Variants in CALN1 observed in about 807,000 individuals in gnomAD.
The protein encoded by CALN1 is calneuron 1, also known as calcium-binding protein 8.
A neutral mutation model predicts 30.6 loss-of-function variants in CALN1; 17 were observed. That is an observed-to-expected ratio of 0.56 (90% CI 0.38 to 0.83). The LOEUF is 0.83. CALN1 is among the 40% of genes least tolerant of loss of function. The probability of loss-of-function intolerance (pLI) is 0.00; values close to 1 mark genes in which losing one functional copy is unlikely to be tolerated. For synonymous variants in CALN1, 156 were observed against 131.4 expected (o/e 1.19, Z -1.28); for missense variants, 291 against 354.9 (o/e 0.82, Z 1.45).
At chr7:71,809,780 T>C (rs753334059) in intron 6 of CALN1, among the ~76,000 whole-genome samples, 1 of 152,166 alleles carries the variant, frequency 6.6e-6, no homozygotes, top group Non-Finnish European at 1.5e-5. Flanking sequence ...ACCTTATTTC[T>C]TCTGTAACTA....
At chr7:72,205,263 T>G (rs952280088) in intron 3 of CALN1, among the ~76,000 whole-genome samples, 1 of 151,824 alleles carries the variant, frequency 6.6e-6, no homozygotes, top group African/African-American at 2.4e-5. Flanking sequence ...AGTGCAGTAG[T>G]GTGATCTCAG....
chr7:72,326,066 C>T (rs1305711966), intron 2 of CALN1, among the ~76,000 whole-genome samples: 1 of 152,162 alleles, frequency 6.6e-6, no homozygotes, highest in Non-Finnish European at 1.5e-5. Flanking sequence ...CCACGCCTGG[C>T]TAAATTTTGT....
chr7:71,866,501 T>C (rs1791596091), intron 5 of CALN1, among the ~76,000 whole-genome samples: 2 of 152,152 alleles, frequency 1.3e-5, no homozygotes, highest in African/African-American at 4.8e-5. Flanking sequence ...GATCCATATG[T>C]TATTGGTAAA....
chr7:72,052,658 C>T (rs988202450), intron 4 of CALN1, among the ~76,000 whole-genome samples: 1 of 152,152 alleles, frequency 6.6e-6, no homozygotes, highest in Non-Finnish European at 1.5e-5. Flanking sequence ...GTGCCTTTGC[C>T]CTGACTTGGC....
At chr7:72,388,297 C>T (rs1032372007) in intron 2 of CALN1, among the ~76,000 whole-genome samples, 5 of 152,048 alleles carry the variant, frequency 3.3e-5, no homozygotes, top group African/African-American at 1.2e-4. Flanking sequence ...CTTTCATCTT[C>T]CCAAGAGGTA....
At chr7:72,269,294 G>C (rs1159545635) in intron 3 of CALN1, among the ~76,000 whole-genome samples, 2 of 152,174 alleles carry the variant, frequency 1.3e-5, no homozygotes, top group East Asian at 3.9e-4. Flanking sequence ...TGCCATGTTG[G>C]TGTGCTGCAC....
At chr7:71,986,407 C>A (rs898470571) in intron 5 of CALN1, among the ~76,000 whole-genome samples, 4 of 152,216 alleles carry the variant, frequency 2.6e-5, no homozygotes, top group Admixed American at 2.6e-4. Flanking sequence ...AAAATATAAA[C>A]CCAGCTCATT....
chr7:72,045,433 A>C (rs1025024788), intron 4 of CALN1, among the ~76,000 whole-genome samples: 7 of 152,210 alleles, frequency 4.6e-5, no homozygotes, highest in African/African-American at 1.7e-4. Context: ...TTGCAGGAAC[A>C]ACCCCAGCAT....
At chr7:72,287,435 ATTTTTTTTTT>A (rs71069052) in intron 2 of CALN1, among the ~76,000 whole-genome samples, 6 of 68,038 alleles carry the variant, frequency 8.8e-5, no homozygotes, top group Admixed American at 2.4e-4. Context: ...CACCAAATTA[ATTTTTTTTTT>A]TTTTTTTTTT....
At chr7:72,250,790 A>G (rs1170675288) in intron 3 of CALN1, among the ~76,000 whole-genome samples, 3 of 152,142 alleles carry the variant, frequency 2.0e-5, no homozygotes, top group Non-Finnish European at 4.4e-5. Flanking sequence ...AGGCCTCACC[A>G]GAAGTCCAGC....
At chr7:72,227,555 A>T (rs1284361764) in intron 3 of CALN1, among the ~76,000 whole-genome samples, 3 of 150,774 alleles carry the variant, frequency 2.0e-5, no homozygotes, top group Admixed American at 6.6e-5. Context: ...AAAAAGAAAA[A>T]AAAGAAAAAA....
chr7:72,259,987 TTTGGGAGGCCAAA>T (rs1209380879), intron 3 of CALN1, among the ~76,000 whole-genome samples: 19 of 152,186 alleles, frequency 1.2e-4, no homozygotes, highest in Non-Finnish European at 5.9e-5. Flanking sequence ...ACTCCAGTGC[TTTGGGAGGCCAAA>T]GTGGGAGGAC....
chr7:72,310,852 G>A (rs1476976018), intron 2 of CALN1, among the ~76,000 whole-genome samples: 4 of 147,776 alleles, frequency 2.7e-5, no homozygotes, highest in East Asian at 2.0e-4. Flanking sequence ...GCAGTGAGCC[G>A]AGATCACGCC....
intron 2 of CALN1, among the ~76,000 whole-genome samples, chr7:72,338,320 G>A (rs886216667): frequency 4.6e-5 from 7 of 152,110 alleles, no homozygotes; most frequent in Admixed American, 1.3e-4. Flanking sequence ...CAGAACCAGA[G>A]AAAAGATACA....
chr7:72,254,387 G>A (rs1303260801), intron 3 of CALN1, among the ~76,000 whole-genome samples: 1 of 152,102 alleles, frequency 6.6e-6, no homozygotes, highest in Non-Finnish European at 1.5e-5. Flanking sequence ...TCTCTGCCTG[G>A]TAATTTGTTA....
intron 2 of CALN1, among the ~76,000 whole-genome samples, chr7:72,395,723 T>C (rs1302159434): frequency 6.6e-6 from 1 of 152,070 alleles, no homozygotes; most frequent in African/African-American, 2.4e-5. Context: ...GTAAGATCAT[T>C]TGAAACTCCC....
intron 5 of CALN1, among the ~76,000 whole-genome samples, chr7:71,954,210 A>C (rs1378147904): frequency 1.3e-5 from 2 of 152,138 alleles, no homozygotes; most frequent in African/African-American, 4.8e-5. Context: ...CTGTAATCAT[A>C]GCGCTTTGGG....
chr7:72,298,732 G>C (rs1005834785), intron 2 of CALN1, among the ~76,000 whole-genome samples: 2 of 151,140 alleles, frequency 1.3e-5, no homozygotes, highest in Non-Finnish European at 2.9e-5. Context: ...GGAGGTGACT[G>C]AATTATGGGG....
chr7:71,799,135 C>A (rs1351557584), intron 6 of CALN1, among the ~76,000 whole-genome samples: 1 of 152,134 alleles, frequency 6.6e-6, no homozygotes, highest in Non-Finnish European at 1.5e-5. Flanking sequence ...GTTAGCCTTG[C>A]CTTTCATTCA....
Sources: gnomAD v4.1 joint callset for allele counts (sites outside exome capture counted in the v4.1 genomes callset) on GRCh38, gnomAD v4.1.1 for gene constraint, MANE v1.5 for transcripts, NCBI Gene and HGNC (gene_info 2026-07-23, HGNC 2026-07-21) for gene names.